PLPPR1: variants seen among roughly 807,000 people sequenced by gnomAD.
PLPPR1 encodes phospholipid phosphatase related 1.
Under a neutral mutation model 33.1 loss-of-function variants are expected in PLPPR1, and 10 were observed. The ratio of observed to expected loss-of-function variants is 0.30; its 90% CI spans 0.19 to 0.51. The LOEUF is 0.51. Ranked by LOEUF, PLPPR1 falls within the 20% of genes least tolerant of loss-of-function variation. The pLI is 0.97. For missense variants in PLPPR1, 304 were observed against 408.1 expected (o/e 0.74, Z 2.20); for synonymous variants, 151 against 151.0 (o/e 1.00, Z 0.00).
At chr9:101,304,325 T>G (rs551528649) in intron 4 of PLPPR1, among the ~76,000 whole-genome samples, 1 of 152,354 alleles carries the variant, frequency 6.6e-6, no homozygotes, top group Non-Finnish European at 1.5e-5. Flanking sequence ...TCCTCTTCTG[T>G]TAATCTCTAA....
intron 1 of PLPPR1, among the ~76,000 whole-genome samples, chr9:101,166,275 A>C (rs1825856988): frequency 6.6e-6 from 1 of 152,130 alleles, no homozygotes; most frequent in South Asian, 2.1e-4. Flanking sequence ...TAATTCCTAT[A>C]CATCCAAAGA....
At chr9:101,233,183 C>T (rs1827225698) in intron 2 of PLPPR1, among the ~76,000 whole-genome samples, 1 of 152,054 alleles carries the variant, frequency 6.6e-6, no homozygotes, top group South Asian at 2.1e-4. Context: ...CATTTACCAA[C>T]AGATGGCTGC....
intron 1 of PLPPR1, among the ~76,000 whole-genome samples, chr9:101,084,224 C>A (rs1049038360): frequency 1.3e-5 from 2 of 152,178 alleles, no homozygotes; most frequent in Non-Finnish European, 2.9e-5. Flanking sequence ...GACCCAGTCT[C>A]TTTTCTAAAT....
chr9:101,097,091 T>A (rs1301874528), intron 1 of PLPPR1, among the ~76,000 whole-genome samples: 1 of 152,194 alleles, frequency 6.6e-6, no homozygotes, highest in Non-Finnish European at 1.5e-5. Flanking sequence ...AACAGCTGAA[T>A]GAGGGTGTGT....
intron 2 of PLPPR1, among the ~76,000 whole-genome samples, chr9:101,268,499 G>T (rs1013364376): frequency 6.6e-6 from 1 of 152,052 alleles, no homozygotes; most frequent in Non-Finnish European, 1.5e-5. Context: ...TAGCTACTTT[G>T]CCTCCCCCAT....
intron 4 of PLPPR1, among the ~76,000 whole-genome samples, chr9:101,300,399 G>A (rs1315004293): frequency 1.5e-4 from 23 of 152,230 alleles, no homozygotes; most frequent in Admixed American, 1.3e-3. Flanking sequence ...GGTTGGTCTC[G>A]AACTTAAGGG....
intron 2 of PLPPR1, among the ~76,000 whole-genome samples, chr9:101,236,935 T>C (rs373578694): frequency 1.5e-3 from 228 of 151,804 alleles, no homozygotes; most frequent in African/African-American, 5.2e-3. Context: ...GCAAACTATA[T>C]ATCTGACAAA....
intron 1 of PLPPR1, among the ~76,000 whole-genome samples, chr9:101,073,335 G>T: frequency 6.6e-6 from 1 of 151,904 alleles, no homozygotes; most frequent in East Asian, 1.9e-4. Flanking sequence ...TATAGTGAGG[G>T]GTGTTATGCA....
chr9:101,285,984 T>A, intron 3 of PLPPR1, 120 bp from the exon 4 acceptor site: 1 of 707,504 alleles, frequency 1.4e-6, no homozygotes, highest in South Asian at 2.1e-5. Context: ...TCACCATCTC[T>A]CTCCAACATC....
At chr9:101,148,767 T>G (rs1318271620) in intron 1 of PLPPR1, among the ~76,000 whole-genome samples, 1 of 152,174 alleles carries the variant, frequency 6.6e-6, no homozygotes, top group African/African-American at 2.4e-5. Context: ...CCACAGAGAC[T>G]CATCCCACCT....
chr9:101,318,247 G>A (rs1208779403), intron 7 of PLPPR1, among the ~76,000 whole-genome samples: 2 of 152,062 alleles, frequency 1.3e-5, no homozygotes, highest in African/African-American at 2.4e-5. Context: ...TGAATCAGAG[G>A]TGCACAAAGT....
chr9:101,171,295 GC>G (rs1246038586), intron 1 of PLPPR1, among the ~76,000 whole-genome samples: 2 of 152,140 alleles, frequency 1.3e-5, no homozygotes, highest in African/African-American at 4.8e-5. Flanking sequence ...TACTGTGGGA[GC>G]CCTGAGGAAA....
chr9:101,194,324 A>T (rs1434457399), intron 2 of PLPPR1, among the ~76,000 whole-genome samples: 1 of 152,232 alleles, frequency 6.6e-6, no homozygotes, highest in Non-Finnish European at 1.5e-5. Context: ...TGAAGCTCCC[A>T]TGAACCCTTC....
chr9:101,240,223 T>C (rs1827434308), intron 2 of PLPPR1, among the ~76,000 whole-genome samples: 1 of 151,962 alleles, frequency 6.6e-6, no homozygotes, highest in African/African-American at 2.4e-5. Context: ...AGGATTTATT[T>C]ATGGGTTCTC....
At chr9:101,157,666 G>C (rs1480777598) in intron 1 of PLPPR1, among the ~76,000 whole-genome samples, 1 of 152,094 alleles carries the variant, frequency 6.6e-6, no homozygotes, top group Admixed American at 6.6e-5. Context: ...AGAAATGTAA[G>C]AGGCAAATCA....
intron 1 of PLPPR1, among the ~76,000 whole-genome samples, chr9:101,184,420 A>G (rs894359957): frequency 1.3e-5 from 2 of 151,890 alleles, no homozygotes; most frequent in African/African-American, 2.4e-5. Context: ...TTAATGTCTG[A>G]CCTTTTAAAA....
At chr9:101,173,179 G>A (rs1825969666) in intron 1 of PLPPR1, among the ~76,000 whole-genome samples, 1 of 152,004 alleles carries the variant, frequency 6.6e-6, no homozygotes, top group East Asian at 1.9e-4. Flanking sequence ...CTTTTCCTGA[G>A]TCACTAATTT....
chr9:101,147,340 C>T (rs1410712163), intron 1 of PLPPR1, among the ~76,000 whole-genome samples: 1 of 152,046 alleles, frequency 6.6e-6, no homozygotes, highest in Non-Finnish European at 1.5e-5. Context: ...CACTTTTAGT[C>T]TTATGAAGGC....
intron 2 of PLPPR1, among the ~76,000 whole-genome samples, chr9:101,242,996 T>G (rs1028771379): frequency 2.6e-5 from 4 of 152,090 alleles, no homozygotes; most frequent in African/African-American, 9.7e-5. Flanking sequence ...TCGCAGTGCC[T>G]GTGAACACTT....
Sources: gnomAD v4.1 joint callset for allele counts (sites outside exome capture counted in the v4.1 genomes callset) on GRCh38, gnomAD v4.1.1 for gene constraint, MANE v1.5 for transcripts, NCBI Gene and HGNC (gene_info 2026-07-23, HGNC 2026-07-21) for gene names.